The following KCNIP4 variants were observed in gnomAD, a reference collection of about 807,000 sequenced individuals.
KCNIP4 encodes the protein potassium voltage-gated channel interacting protein 4.
A neutral mutation model predicts 34.0 loss-of-function variants in KCNIP4; 12 were observed. That is an observed-to-expected ratio of 0.35 (90% CI 0.23 to 0.57). The LOEUF (loss-of-function observed/expected upper bound fraction) is 0.57, where lower values mean the gene tolerates loss of function less well. Ranked by LOEUF, KCNIP4 falls within the 20% of genes least tolerant of loss-of-function variation. The pLI is 0.83. For synonymous variants in KCNIP4, 124 were observed against 102.2 expected (o/e 1.21, Z -1.29); for missense variants, 238 against 311.7 (o/e 0.76, Z 1.78).
intron 1 of KCNIP4, among the ~76,000 whole-genome samples, chr4:21,363,997 G>T (rs535671693): frequency 1.1e-4 from 16 of 152,248 alleles, no homozygotes; most frequent in South Asian, 2.1e-4. Context: ...TGGCTGGAAG[G>T]ATGGAATGGA....
intron 1 of KCNIP4, among the ~76,000 whole-genome samples, chr4:21,728,693 T>G (rs1415202655): frequency 6.6e-6 from 1 of 152,180 alleles, no homozygotes; most frequent in East Asian, 1.9e-4. Context: ...TTCTTCACTC[T>G]GGATCACACA....
At chr4:21,025,139 A>G (rs1577555065) in intron 1 of KCNIP4, among the ~76,000 whole-genome samples, 1 of 152,184 alleles carries the variant, frequency 6.6e-6, no homozygotes, top group African/African-American at 2.4e-5. Context: ...TTTACATGCT[A>G]AAGTCATATA....
At chr4:20,835,851 A>G (rs1718977223) in intron 3 of KCNIP4, among the ~76,000 whole-genome samples, 1 of 152,140 alleles carries the variant, frequency 6.6e-6, no homozygotes, top group African/African-American at 2.4e-5. Flanking sequence ...ACTTGGAATC[A>G]TCTATATTGT....
intron 2 of KCNIP4, among the ~76,000 whole-genome samples, chr4:20,856,012 G>A (rs1307215778): frequency 6.6e-6 from 1 of 152,082 alleles, no homozygotes; most frequent in Non-Finnish European, 1.5e-5. Flanking sequence ...TGGGCTTTAT[G>A]GGGAAAATCA....
At chr4:21,396,549 CAAAAAAAAA>C (rs555585102) in intron 1 of KCNIP4, among the ~76,000 whole-genome samples, 9 of 52,790 alleles carry the variant, frequency 1.7e-4, no homozygotes, top group African/African-American at 4.5e-4. Context: ...AGCAAGACTC[CAAAAAAAAA>C]AAAAAAAAAA....
chr4:20,896,780 AG>A (rs1726579676), intron 1 of KCNIP4, among the ~76,000 whole-genome samples: 1 of 152,178 alleles, frequency 6.6e-6, no homozygotes, highest in Non-Finnish European at 1.5e-5. Flanking sequence ...TACACACATC[AG>A]TTAACAGATT....
intron 1 of KCNIP4, among the ~76,000 whole-genome samples, chr4:21,460,392 A>G (rs1367231079): frequency 6.6e-6 from 1 of 151,892 alleles, no homozygotes; most frequent in African/African-American, 2.4e-5. Context: ...TGCACTTACC[A>G]CTGCCTACTT....
chr4:21,546,669 T>C (rs1236892943), intron 1 of KCNIP4, among the ~76,000 whole-genome samples: 1 of 152,180 alleles, frequency 6.6e-6, no homozygotes, highest in Admixed American at 6.6e-5. Context: ...TTCTTATGTC[T>C]TCCTTCCATG....
rs113668496 is a variant in KCNIP4 at position 20,969,556 on chromosome 4, T to TTGTG, written c.62-86851_62-86848dup. 7.3e-3 allele frequency among the ~76,000 whole-genome samples: 1,095 copies of TTGTG among 149,686 alleles called. 8 individuals carry two copies. Among genetic ancestry groups the TTGTG allele is most frequent in the African/African-American group, 0.022 (910 of 40,978 alleles). On this transcript the variant is annotated intron_variant, in intron 1 of 8. Coordinates refer to ENST00000382152, the MANE Select transcript of KCNIP4 (RefSeq NM_025221.6). ...ACATGCAAATTTGCTGCGTGTGTGT[T>TTGTG]TGTGTGTGTGTGTGTGTGTGTGAAA...
chr4:21,252,662 A>G (rs1760798460), intron 1 of KCNIP4, among the ~76,000 whole-genome samples: 1 of 152,268 alleles, frequency 6.6e-6, no homozygotes, highest in Admixed American at 6.5e-5. Flanking sequence ...GCTGTCAATC[A>G]ATAATGATGT....
chr4:21,135,857 G>A (rs1409675839), intron 1 of KCNIP4, among the ~76,000 whole-genome samples: 2 of 152,034 alleles, frequency 1.3e-5, no homozygotes, highest in Non-Finnish European at 2.9e-5. Context: ...TTTGAAATGC[G>A]GGAAATCATA....
chr4:21,389,869 A>G (rs934236605), intron 1 of KCNIP4, among the ~76,000 whole-genome samples: 1 of 152,086 alleles, frequency 6.6e-6, no homozygotes, highest in African/African-American at 2.4e-5. Context: ...TCCTTGAGGA[A>G]TCGCCACACT....
At chr4:21,454,833 G>T (rs1728787289) in intron 1 of KCNIP4, among the ~76,000 whole-genome samples, 1 of 152,056 alleles carries the variant, frequency 6.6e-6, no homozygotes. Flanking sequence ...GTTAAATTCT[G>T]AATAGTTTAA....
intron 1 of KCNIP4, among the ~76,000 whole-genome samples, chr4:20,971,853 C>G (rs1734982065): frequency 6.6e-6 from 1 of 152,208 alleles, no homozygotes; most frequent in Non-Finnish European, 1.5e-5. Context: ...CATGGTAGAA[C>G]TTCTTTCAAA....
At chr4:21,387,539 G>T (rs1379392510) in intron 1 of KCNIP4, among the ~76,000 whole-genome samples, 1 of 152,108 alleles carries the variant, frequency 6.6e-6, no homozygotes, top group Non-Finnish European at 1.5e-5. Flanking sequence ...AAGGGAACAA[G>T]AATTAAAATT....
At chr4:21,229,371 T>C (rs896558255) in intron 1 of KCNIP4, among the ~76,000 whole-genome samples, 1 of 152,336 alleles carries the variant, frequency 6.6e-6, no homozygotes, top group East Asian at 1.9e-4. Context: ...TCTTCAGCTA[T>C]GGTGATTTGT....
chr4:20,759,021 A>G (rs57740160), intron 3 of KCNIP4, 131 bp from the exon 4 acceptor site: 200,044 of 632,904 alleles, frequency 0.32, 33,390 homozygotes, highest in African/African-American at 0.45. Context: ...CCATTATTAC[A>G]AAGGGAATAA....
At chr4:20,858,664 A>G (rs964770455) in intron 2 of KCNIP4, among the ~76,000 whole-genome samples, 1 of 152,206 alleles carries the variant, frequency 6.6e-6, no homozygotes, top group Non-Finnish European at 1.5e-5. Context: ...CTTAGTAAAC[A>G]AGATGAAGAC....
intron 1 of KCNIP4, among the ~76,000 whole-genome samples, chr4:21,571,338 A>G (rs1321376165): frequency 6.6e-6 from 1 of 152,204 alleles, no homozygotes; most frequent in East Asian, 1.9e-4. Flanking sequence ...CTGTTATAGC[A>G]TATGTGCAAA....
Sources: allele counts gnomAD v4.1 joint callset (sites outside exome capture counted in the v4.1 genomes callset), GRCh38; gene constraint gnomAD v4.1.1; transcripts MANE v1.5; gene names NCBI Gene and HGNC (gene_info 2026-07-23, HGNC 2026-07-21).